Variants in CNTN5 observed in about 807,000 individuals in gnomAD.
CNTN5 encodes the protein contactin-5.
Under a neutral mutation model 129.1 loss-of-function variants are expected in CNTN5, and 77 were observed. The observed-to-expected ratio is 0.60, with a 90% confidence interval of 0.50 to 0.72. The LOEUF (loss-of-function observed/expected upper bound fraction) is 0.72. Among genes scored for constraint, CNTN5 ranks in the 30% least tolerant of loss-of-function variants. The pLI is 0.00. For synonymous variants in CNTN5, 509 were observed against 465.6 expected (o/e 1.09, Z -1.20); for missense variants, 1,478 against 1,328.8 (o/e 1.11, Z -1.75).
At chr11:100,121,352 TCTTC>T (rs1467265775) in intron 13 of CNTN5, among the ~76,000 whole-genome samples, 1 of 152,100 alleles carries the variant, frequency 6.6e-6, no homozygotes, top group African/African-American at 2.4e-5. Context: ...CAGATTTTAA[TCTTC>T]CTTCCTGTGA....
intron 20 of CNTN5, among the ~76,000 whole-genome samples, chr11:100,307,726 C>T (rs1951385211): frequency 6.6e-6 from 1 of 151,264 alleles, no homozygotes; most frequent in South Asian, 2.1e-4. Context: ...CAAAAAGTAT[C>T]TAATGAAATT....
At chr11:99,758,042 G>C (rs1944460320) in intron 3 of CNTN5, among the ~76,000 whole-genome samples, 2 of 151,950 alleles carry the variant, frequency 1.3e-5, no homozygotes, top group African/African-American at 4.8e-5. Flanking sequence ...CCAAACGTTT[G>C]GACAATTTAG....
intron 7 of CNTN5, among the ~76,000 whole-genome samples, chr11:99,918,956 C>T (rs1409123805): frequency 6.6e-6 from 1 of 152,142 alleles, no homozygotes; most frequent in Non-Finnish European, 1.5e-5. Flanking sequence ...AACCACATTC[C>T]TGCACCTTTC....
At chr11:99,736,774 T>C (rs1943725172) in intron 3 of CNTN5, among the ~76,000 whole-genome samples, 1 of 152,262 alleles carries the variant, frequency 6.6e-6, no homozygotes, top group South Asian at 2.1e-4. Context: ...ATCTATAAAA[T>C]AGAGACAATA....
intron 2 of CNTN5, among the ~76,000 whole-genome samples, chr11:99,444,238 G>T (rs1167177371): frequency 6.6e-6 from 1 of 151,898 alleles, no homozygotes; most frequent in Non-Finnish European, 1.5e-5. Context: ...GAGAGAGAAA[G>T]AAAATATATC....
At chr11:99,558,758 AGT>A (rs989221011) in intron 3 of CNTN5, among the ~76,000 whole-genome samples, 38 of 152,178 alleles carry the variant, frequency 2.5e-4, no homozygotes, top group African/African-American at 9.1e-4. Flanking sequence ...TTTGGGTATG[AGT>A]GGCATTTCAA....
chr11:99,562,617 A>T (rs1948878601), intron 3 of CNTN5, among the ~76,000 whole-genome samples: 1 of 152,178 alleles, frequency 6.6e-6, no homozygotes, highest in African/African-American at 2.4e-5. Flanking sequence ...ACTTGAATAA[A>T]ATATGATGAG....
chr11:99,712,180 G>T (rs192149819), intron 3 of CNTN5, among the ~76,000 whole-genome samples: 1 of 152,226 alleles, frequency 6.6e-6, no homozygotes, highest in African/African-American at 2.4e-5. Context: ...TCTAACTGGT[G>T]TAAGATGGTA....
At chr11:99,775,055 C>G (rs1040951643) in intron 3 of CNTN5, among the ~76,000 whole-genome samples, 6 of 151,954 alleles carry the variant, frequency 3.9e-5, no homozygotes, top group African/African-American at 1.5e-4. Flanking sequence ...GTATTGTGGC[C>G]AATCCTTTAA....
chr11:99,473,987 C>T (rs1047645452), intron 2 of CNTN5, among the ~76,000 whole-genome samples: 74 of 152,108 alleles, frequency 4.9e-4, no homozygotes, highest in Non-Finnish European at 7.7e-4. Flanking sequence ...CTACTTTTTA[C>T]ATAAAATGGC....
intron 1 of CNTN5, among the ~76,000 whole-genome samples, chr11:99,101,838 C>T (rs181744380): frequency 1.6e-4 from 24 of 152,254 alleles, no homozygotes; most frequent in East Asian, 7.8e-4. Context: ...TGCTGGAGGA[C>T]GGTGGCCCTT....
chr11:99,733,022 C>T (rs544019865), intron 3 of CNTN5, among the ~76,000 whole-genome samples: 1 of 152,146 alleles, frequency 6.6e-6, no homozygotes, highest in African/African-American at 2.4e-5. Flanking sequence ...CTGCTGGTGA[C>T]CCTGGAACAG....
chr11:99,336,811 G>A (rs1051457708), intron 2 of CNTN5, among the ~76,000 whole-genome samples: 3 of 151,380 alleles, frequency 2.0e-5, no homozygotes, highest in Non-Finnish European at 4.4e-5. Context: ...CTGGGTGACA[G>A]AGTGAGACTC....
intron 15 of CNTN5, among the ~76,000 whole-genome samples, chr11:100,219,350 G>A (rs910994817): frequency 2.2e-4 from 33 of 152,160 alleles, no homozygotes; most frequent in Non-Finnish European, 3.7e-4. Context: ...CTCATCATCA[G>A]GTAACACAAA....
At chr11:99,845,604 C>A (rs1184927301) in intron 6 of CNTN5, among the ~76,000 whole-genome samples, 1 of 151,718 alleles carries the variant, frequency 6.6e-6, no homozygotes, top group Non-Finnish European at 1.5e-5. Flanking sequence ...GATCTCCTGA[C>A]CTCGTGATCC....
At chr11:99,462,131 A>G (rs1944723218) in intron 2 of CNTN5, among the ~76,000 whole-genome samples, 1 of 152,128 alleles carries the variant, frequency 6.6e-6, no homozygotes, top group South Asian at 2.1e-4. Context: ...GTGACTGGGA[A>G]GGTATAACAT....
At chr11:99,114,126 A>C (rs972577131) in intron 1 of CNTN5, among the ~76,000 whole-genome samples, 1 of 152,108 alleles carries the variant, frequency 6.6e-6, no homozygotes, top group Admixed American at 6.5e-5. Flanking sequence ...ACTATTACTG[A>C]ATTGAATTAC....
Position 99,804,236 on chromosome 11 carries a change from C to T in CNTN5, c.56-15308C>T, listed in dbSNP as rs185100874. On this transcript the variant is annotated intron_variant, in intron 3 of 24. Coordinates refer to ENST00000524871, the MANE Select transcript of CNTN5 (RefSeq NM_014361.4). ...AGATACATTTATTTGGAAAAAGTTA[C>T]TTGATAAGTTGATTAAAGGAAAGTC... Among the ~76,000 whole-genome samples, 4 of 152,040 alleles carry T rather than the reference C, an allele frequency of 2.6e-5. No homozygotes were observed. The East Asian group carries it at 7.7e-4, about 29-fold the overall frequency.
At chr11:99,471,842 T>C (rs775874221) in intron 2 of CNTN5, among the ~76,000 whole-genome samples, 19 of 152,094 alleles carry the variant, frequency 1.2e-4, no homozygotes, top group Admixed American at 1.2e-3. Context: ...GATTATAATG[T>C]CCAATCACTC....
Sources: gnomAD v4.1 joint callset for allele counts (sites outside exome capture counted in the v4.1 genomes callset) on GRCh38, gnomAD v4.1.1 for gene constraint, MANE v1.5 for transcripts, NCBI Gene and HGNC (gene_info 2026-07-23, HGNC 2026-07-21) for gene names.